Variants in NDUFS4 observed in about 807,000 individuals in gnomAD.
NDUFS4 encodes the protein NADH dehydrogenase [ubiquinone] iron-sulfur protein 4, mitochondrial.
In NDUFS4, 28 loss-of-function variants were observed where a neutral mutation model predicts 24.3. The observed-to-expected ratio is 1.15, with a 90% CI of 0.85 to 1.58. The LOEUF (loss-of-function observed/expected upper bound fraction) is 1.58. Among genes scored for constraint, NDUFS4 ranks in the 40% most tolerant of loss-of-function variants. The probability of loss-of-function intolerance (pLI) is 0.00; values close to 1 mark genes in which losing one functional copy is unlikely to be tolerated. For synonymous variants in NDUFS4, 93 were observed against 69.7 expected (o/e 1.34, Z -1.67); for missense variants, 223 against 207.9 (o/e 1.07, Z -0.45).
chr5:53,606,340 T>C (rs539083790), intron 2 of NDUFS4, among the ~76,000 whole-genome samples: 1 of 152,176 alleles, frequency 6.6e-6, no homozygotes, highest in East Asian at 1.9e-4. Context: ...GAAGGTGAAG[T>C]GGGAGCAGGC....
At chr5:53,676,268 T>A (rs534850830) in intron 4 of NDUFS4, among the ~76,000 whole-genome samples, 61 of 152,304 alleles carry the variant, frequency 4.0e-4, no homozygotes, top group Non-Finnish European at 5.9e-4. Context: ...TCAATTATAG[T>A]TGTTCTCCTT....
At chr5:53,573,993 A>G (rs1165850383) in intron 1 of NDUFS4, among the ~76,000 whole-genome samples, 3 of 152,178 alleles carry the variant, frequency 2.0e-5, no homozygotes, top group Non-Finnish European at 4.4e-5. Context: ...TTTGTTACAT[A>G]AAGTTATATA....
intron 4 of NDUFS4, among the ~76,000 whole-genome samples, chr5:53,677,611 C>CTT (rs1284973013): frequency 6.6e-5 from 10 of 152,068 alleles, no homozygotes; most frequent in Non-Finnish European, 1.5e-4. Flanking sequence ...TTTTCTCCTT[C>CTT]TTAAAATTAT....
chr5:53,571,394 A>G (rs1326511503), intron 1 of NDUFS4, among the ~76,000 whole-genome samples: 2 of 152,228 alleles, frequency 1.3e-5, no homozygotes, highest in Non-Finnish European at 2.9e-5. Context: ...TTATTGAAGA[A>G]TAGTATTCTA....
intron 1 of NDUFS4, among the ~76,000 whole-genome samples, chr5:53,578,241 T>TAAGTTA (rs1749447989): frequency 6.6e-6 from 1 of 152,226 alleles, no homozygotes; most frequent in Non-Finnish European, 1.5e-5. Flanking sequence ...TTTATGTCTG[T>TAAGTTA]CTTAGTTACT....
intron 1 of NDUFS4, among the ~76,000 whole-genome samples, chr5:53,571,824 T>TTTCTCAAA (rs1749218959): frequency 6.6e-6 from 1 of 152,248 alleles, no homozygotes; most frequent in African/African-American, 2.4e-5. Context: ...GCAAATGATG[T>TTTCTCAAA]TGAACTTTGG....
chr5:53,660,213 G>T (rs965805784), intron 4 of NDUFS4, among the ~76,000 whole-genome samples: 25 of 140,320 alleles, frequency 1.8e-4, no homozygotes, highest in Admixed American at 3.2e-4. Context: ...TGTTCTCATT[G>T]TTCAATTCCC....
At chr5:53,617,562 CTTT>C (rs1750880004) in intron 2 of NDUFS4, among the ~76,000 whole-genome samples, 1 of 152,040 alleles carries the variant, frequency 6.6e-6, no homozygotes, top group African/African-American at 2.4e-5. Flanking sequence ...TCCTTCCATT[CTTT>C]TTATTCCGTA....
intron 4 of NDUFS4, among the ~76,000 whole-genome samples, chr5:53,668,806 G>T (rs1218264487): frequency 6.6e-6 from 1 of 151,874 alleles, no homozygotes; most frequent in African/African-American, 2.4e-5. Context: ...TGAGACTTGG[G>T]TAATAAGTAT....
intron 3 of NDUFS4, among the ~76,000 whole-genome samples, chr5:53,649,134 A>T (rs1202264688): frequency 1.3e-5 from 2 of 152,226 alleles, no homozygotes; most frequent in East Asian, 3.8e-4. Context: ...TAATAAAGTG[A>T]TCTAGAGTAT....
chr5:53,631,252 G>A lies in NDUFS4; in HGVS notation c.178-14981G>A, dbSNP rs1410811332. On this transcript the variant is annotated intron_variant, in intron 2 of 4. Transcript: ENST00000296684. ...AATATTACTACCTGATCCTTCCTCT[G>A]GAAGCTTCGTCCCATAGAGGCACCT... Among the ~76,000 whole-genome samples the A allele has an allele frequency of 2.0e-5, 3 of 152,124 alleles. No individual in the cohort carries two copies. The East Asian group carries it at 5.8e-4, about 29-fold the overall frequency.
chr5:53,640,253 C>G (rs1206953813), intron 2 of NDUFS4, among the ~76,000 whole-genome samples: 2 of 151,558 alleles, frequency 1.3e-5, no homozygotes, highest in South Asian at 2.1e-4. Flanking sequence ...GGGAACATAT[C>G]AAGATTCAAA....
In NDUFS4 at chr5:53,646,208, G is replaced by T. The variant is rs543590358; in HGVS notation, c.178-25G>T. Reference sequence around the variant, plus strand: ...TGTGTATGTAGGCTGTTTGAAACGTGTTTTTTTTTCTTGTTTTTCTGTAGG... The same window carrying T: ...TGTGTATGTAGGCTGTTTGAAACGTTTTTTTTTTTCTTGTTTTTCTGTAGG... On this transcript the variant is annotated intron_variant, in intron 2 of 4. Coordinates refer to ENST00000296684, the MANE Select transcript of NDUFS4 (RefSeq NM_002495.4). The T allele has an allele frequency of 2.0e-6, 3 of 1,531,808 alleles. 1 individual carries two copies. The South Asian group carries it at 3.4e-5, about 17-fold the overall frequency. The allele number at this position is 1,531,808 out of a possible 1,614,324, so 94.9% of individuals were successfully genotyped here.
At chr5:53,647,767 A>G (rs566943804) in intron 3 of NDUFS4, among the ~76,000 whole-genome samples, 10 of 152,348 alleles carry the variant, frequency 6.6e-5, no homozygotes, top group African/African-American at 1.9e-4. Context: ...TAGAAAATGT[A>G]GACTGTCTTG....
intron 4 of NDUFS4, among the ~76,000 whole-genome samples, chr5:53,676,595 A>C (rs1037014314): frequency 2.0e-5 from 3 of 152,214 alleles, no homozygotes; most frequent in Non-Finnish European, 1.5e-5. Context: ...ACCATTTTAA[A>C]CAGTGAAATT....
At chr5:53,627,439 G>C (rs1257415497) in intron 2 of NDUFS4, among the ~76,000 whole-genome samples, 1 of 152,098 alleles carries the variant, frequency 6.6e-6, no homozygotes, top group Admixed American at 6.6e-5. Flanking sequence ...TACCTTGATG[G>C]GTATAGCATT....
chr5:53,658,425 A>T, intron 3 of NDUFS4, 126 bp from the exon 4 acceptor site: 1 of 677,316 alleles, frequency 1.5e-6, no homozygotes. Context: ...AGAAATTATT[A>T]CAAATAAAAT....
At chr5:53,586,149 C>T (rs1749747307) in intron 1 of NDUFS4, among the ~76,000 whole-genome samples, 3 of 151,584 alleles carry the variant, frequency 2.0e-5, no homozygotes, top group African/African-American at 4.8e-5. Flanking sequence ...ACTAACACGG[C>T]GAAACCCCAT....
intron 2 of NDUFS4, among the ~76,000 whole-genome samples, chr5:53,618,552 T>C (rs1330042024): frequency 6.6e-6 from 1 of 152,280 alleles, no homozygotes; most frequent in South Asian, 2.1e-4. Flanking sequence ...TAGTTGGTAA[T>C]GATTTTTGTC....
Sources: allele counts gnomAD v4.1 joint callset (sites outside exome capture counted in the v4.1 genomes callset), GRCh38; gene constraint gnomAD v4.1.1; transcripts MANE v1.5; gene names NCBI Gene and HGNC (gene_info 2026-07-23, HGNC 2026-07-21).